Variants in EPHB4 observed in about 807,000 individuals in gnomAD.
EPHB4 encodes the protein EPH receptor B4.
Under a neutral mutation model 110.6 loss-of-function variants are expected in EPHB4, and 50 were observed. The ratio of observed to expected loss-of-function variants is 0.45; its 90% CI spans 0.36 to 0.57. EPHB4 has a LOEUF of 0.57. Among genes scored for constraint, EPHB4 ranks in the 20% least tolerant of loss-of-function variants. The pLI is 0.00. For synonymous variants in EPHB4, 592 were observed against 578.4 expected, an observed-to-expected ratio of 1.02 and a Z score of -0.34; for missense variants, 1,128 against 1,382.1, an observed-to-expected ratio of 0.82 and a Z score of 2.91.
intron 12 of EPHB4, among the ~76,000 whole-genome samples, chr7:100,809,153 C>T (rs1427084088): frequency 6.6e-6 from 1 of 152,190 alleles, no homozygotes; most frequent in Non-Finnish European, 1.5e-5. Flanking sequence ...ACTGCCCAGG[C>T]TGGAGTAAAG....
chr7:100,814,168 TCAGGGAACAAA>T (rs1813012050), intron 8 of EPHB4, 147 bp from the exon 9 acceptor site: 1 of 803,324 alleles, frequency 1.2e-6, no homozygotes, highest in Admixed American at 3.1e-5. Flanking sequence ...GCAGGCAAGG[TCAGGGAACAAA>T]CAGTGGGTTT....
Position 100,819,627 on chromosome 7 carries a change from C to G in EPHB4, c.1227G>C (p.Leu409Phe). 2 of 1,608,340 alleles carry G rather than the reference C, an allele frequency of 1.2e-6. No individual in the cohort carries two copies. The highest frequency in any genetic ancestry group is 4.5e-5 in the East Asian group (2 of 44,672). ...DFTYTFEVTALNGVSSLATGP... is the reference protein window; with the variant it reads ...DFTYTFEVTAFNGVSSLATGP... Reference sequence around the variant, plus strand: ...CCGTGGCTAAGGAGGATACCCCGTTCAATGCAGTGACCTCAAAGGTATAGG... The same window carrying G: ...CCGTGGCTAAGGAGGATACCCCGTTGAATGCAGTGACCTCAAAGGTATAGG... Residue 409 changes from leucine (L) to phenylalanine (F), a missense_variant, in exon 6 of 17, where the codon TTG becomes TTC. Transcript: ENST00000358173.
In EPHB4 at chr7:100,822,762, T is replaced by G. The variant is rs1813269435; in HGVS notation, c.412-95A>C. Reference sequence around the variant, plus strand: ...TCCCAGCTCACCCTCCCGGACCTCCTTGGTTCCCGTTCCAGAATCTTCCCT... The same window carrying G: ...TCCCAGCTCACCCTCCCGGACCTCCGTGGTTCCCGTTCCAGAATCTTCCCT... On this transcript the variant is annotated intron_variant, in intron 3 of 16. Coordinates refer to ENST00000358173, the MANE Select transcript of EPHB4 (RefSeq NM_004444.5). The surrounding 1 kb of genome is among the most constrained non-coding windows in gnomAD (Gnocchi z 4.7). 7.0e-7 allele frequency: 1 copy of G among 1,425,628 alleles called. No individual in the cohort carries two copies. Among genetic ancestry groups the G allele is most frequent in the South Asian group, 1.5e-5 (1 of 66,854 alleles). The allele number at this position is 1,425,628 out of a possible 1,614,324, so 88.3% of individuals were successfully genotyped here.
chr7:100,825,833 C>T (rs1176338009), intron 1 of EPHB4, among the ~76,000 whole-genome samples: 3 of 152,224 alleles, frequency 2.0e-5, no homozygotes, highest in Admixed American at 1.3e-4. Flanking sequence ...GTCTTTCCTT[C>T]TCACCACACC....
Position 100,813,724 on chromosome 7 carries a change from C to A in EPHB4, c.1692-8G>T. The stretch of plus-strand genomic sequence containing the variant: ...CTCCCATTGCTCTGCTTCCTGTAGC[C>A]GATGGGAAAGGAACAAAAGGTAAAC... On this transcript the variant is annotated splice_polypyrimidine_tract_variant and splice_region_variant and intron_variant, in intron 9 of 16. Transcript: ENST00000358173. The A allele has an allele frequency of 6.2e-7, 1 of 1,614,062 alleles. No individual in the cohort carries two copies. The highest frequency in any genetic ancestry group is 1.1e-5 in the South Asian group (1 of 91,072).
In EPHB4 at chr7:100,813,214, A is replaced by AT; in HGVS notation, c.1757-7_1757-6insA. The stretch of plus-strand genomic sequence containing the variant: ...GTCGATGTAGACCTTAGTACCTGAG[A>AT]AATCAGGCAGGGCCCCGTCAGCTGG... On this transcript the variant is annotated splice_polypyrimidine_tract_variant and splice_region_variant and intron_variant, in intron 10 of 16. Coordinates refer to ENST00000358173, the MANE Select transcript of EPHB4 (RefSeq NM_004444.5). The AT allele has an allele frequency of 6.3e-7, 1 of 1,599,016 alleles. No individual in the cohort carries two copies. Among genetic ancestry groups the AT allele is most frequent in the Non-Finnish European group, 8.5e-7 (1 of 1,178,312 alleles).
chr7:100,818,248 G>A (rs1226790802), intron 7 of EPHB4, among the ~76,000 whole-genome samples: 2 of 151,860 alleles, frequency 1.3e-5, no homozygotes, highest in Non-Finnish European at 2.9e-5. Context: ...CATTCTGCCC[G>A]CCTCAGCCTC....
In EPHB4 at chr7:100,822,629, G is replaced by A. The variant is rs1813265481; in HGVS notation, c.450C>T (p.Arg150=). ...TVAAEHLTRK[R]PGAEATGKVN... Reference sequence around the variant, plus strand: ...CCTTCCCGGTGGCCTCGGCCCCAGGGCGCTTCCGGGTGAGATGCTCCGCGG... The same window carrying A: ...CCTTCCCGGTGGCCTCGGCCCCAGGACGCTTCCGGGTGAGATGCTCCGCGG... Residue 150 remains arginine (R), a synonymous_variant, in exon 4 of 17, where the codon CGC becomes CGT. Transcript: ENST00000358173. This position sits in a 1 kb window ranked among gnomAD's most constrained non-coding sequence, Gnocchi z 4.7. 2 of 1,596,024 alleles carry A rather than the reference G, an allele frequency of 1.3e-6. No individual in the cohort carries two copies. The highest frequency in any genetic ancestry group is 1.7e-5 in the Admixed American group (1 of 58,676).
At chr7:100,813,276 A>T in intron 10 of EPHB4, 68 bp from the exon 11 acceptor site, 7 of 1,082,012 alleles carry the variant, frequency 6.5e-6, no homozygotes, top group Non-Finnish European at 9.3e-6. Context: ...CTCGGCTCAT[A>T]GCTTTTAGCC....
chr7:100,827,162 CA>C lies in EPHB4; in HGVS notation c.-133del. The C allele has an allele frequency of 2.1e-6, 2 of 936,626 alleles. No homozygotes were observed. Among genetic ancestry groups the C allele is most frequent in the Non-Finnish European group, 3.0e-6 (2 of 676,866 alleles). The allele number at this position is 936,626 out of a possible 1,614,324, so 58.0% of individuals were successfully genotyped here. On this transcript the variant is annotated 5_prime_UTR_variant, in exon 1 of 17. An upstream start codon of the reference 5' UTR is lost. Coordinates refer to ENST00000358173, the MANE Select transcript of EPHB4 (RefSeq NM_004444.5). ...CTCGTCGGGGCCCTCAGCGCGGGCC[CA>C]TGCGAGCGTGCGGGGCACCGGGCGG...
intron 8 of EPHB4, among the ~76,000 whole-genome samples, chr7:100,814,515 C>T (rs1220415144): frequency 6.6e-6 from 1 of 152,114 alleles, no homozygotes. Flanking sequence ...CCTAGGCATG[C>T]CCAGCCGCCA....
In EPHB4 at chr7:100,819,712, G is replaced by A; in HGVS notation, c.1142C>T (p.Pro381Leu). ...GGGCTCCACCAGGTCCCGGGGGCCGGGGTCAAAAGTCAGGTCTCCCCCGCA... is the reference window on the plus strand; with the variant it reads ...GGGCTCCACCAGGTCCCGGGGGCCGAGGTCAAAAGTCAGGTCTCCCCCGCA... ...APCGGDLTFDPGPRDLVEPWV... is the reference protein window; with the variant it reads ...APCGGDLTFDLGPRDLVEPWV... The change falls in exon 6 of 17, where the codon CCC becomes CTC. Residue 381 changes from proline to leucine, a missense_variant. This residue lies in a region of EPHB4 where 728 missense variants were observed against 828.6 expected (regional missense o/e 0.88). Coordinates refer to ENST00000358173, the MANE Select transcript of EPHB4 (RefSeq NM_004444.5). 6.2e-7 allele frequency: 1 copy of A among 1,613,214 alleles called. No homozygotes were observed. The highest frequency in any genetic ancestry group is 8.5e-7 in the Non-Finnish European group (1 of 1,179,804).
intron 10 of EPHB4, chr7:100,813,423 C>T: frequency 1.6e-6 from 1 of 620,682 alleles, no homozygotes; most frequent in East Asian, 3.1e-5. Context: ...TAAAATGATT[C>T]TTCTGCCTCA....
chr7:100,823,645 T>C lies in EPHB4; in HGVS notation c.410A>G (p.Lys137Arg), dbSNP rs1813296662. The C allele has an allele frequency of 6.2e-7, 1 of 1,610,802 alleles. No homozygotes were observed. The highest frequency in any genetic ancestry group is 1.3e-5 in the African/African-American group (1 of 74,884). ...TPAWMENPYIKVDTVAAEHLT... is the reference protein window; with the variant it reads ...TPAWMENPYIRVDTVAAEHLT... Reference sequence around the variant, plus strand: ...TGAGCCCTGGGGGCACCCAGGTACCTTGATGTAGGGGTTCTCCATCCAGGC... The same window carrying C: ...TGAGCCCTGGGGGCACCCAGGTACCCTGATGTAGGGGTTCTCCATCCAGGC... The change falls in exon 3 of 17, where the codon AAG (lysine) becomes AGG (arginine). Residue 137 changes from lysine to arginine, a missense_variant and splice_region_variant. Physicochemically the swap from Lys to Arg is conservative, Grantham distance 26 (BLOSUM62 2). Around this residue, in one of 3 missense-constraint regions of EPHB4, gnomAD observed 728 missense variants for 828.6 expected, o/e 0.88. Coordinates refer to ENST00000358173, the MANE Select transcript of EPHB4 (RefSeq NM_004444.5).
Position 100,822,021 on chromosome 7 carries a change from G to A in EPHB4, c.808+250C>T, listed in dbSNP as rs759937753. ...ACTAAAATACAAAAATTAGCCGGGC[G>A]TGGTGGCGTGTGCCTGTAGTCCCAG... On this transcript the variant is annotated intron_variant, in intron 4 of 16. Coordinates refer to ENST00000358173, the MANE Select transcript of EPHB4 (RefSeq NM_004444.5). This position sits in a 1 kb window ranked among gnomAD's most constrained non-coding sequence, Gnocchi z 4.7. Among the ~76,000 whole-genome samples, 67 of 152,124 alleles carry A rather than the reference G, an allele frequency of 4.4e-4. No homozygotes were observed. The highest frequency in any genetic ancestry group is 3.2e-3 in the Middle Eastern group (1 of 316).
chr7:100,808,844 G>A (rs1812869624), intron 12 of EPHB4, among the ~76,000 whole-genome samples: 1 of 152,182 alleles, frequency 6.6e-6, no homozygotes, highest in South Asian at 2.1e-4. Flanking sequence ...ACCTGCACCT[G>A]CCCTACTCCC....
At chr7:100,823,038 C>A (rs1335836859) in intron 3 of EPHB4, among the ~76,000 whole-genome samples, 1 of 152,180 alleles carries the variant, frequency 6.6e-6, no homozygotes, top group East Asian at 1.9e-4. Context: ...ATAATCCCAG[C>A]ACTTTAGGAG....
chr7:100,809,599 G>T (rs1812886707), intron 12 of EPHB4, among the ~76,000 whole-genome samples: 2 of 152,034 alleles, frequency 1.3e-5, no homozygotes, highest in Admixed American at 1.3e-4. Context: ...CTACAGCCTC[G>T]ATCTCCCAGG....
rs1248988785 is a variant in EPHB4, at chr7:100,804,314, T to C, written c.2835-724A>G. 5.2e-4 allele frequency among the ~76,000 whole-genome samples: 71 copies of C among 137,458 alleles called. No homozygotes were observed. The South Asian group carries it at 7.5e-3, about 15-fold the overall frequency. 90.2% of individuals were successfully genotyped at this position (137,458 alleles called of 152,430 possible). A position where few individuals can be genotyped will look rare whatever the true frequency, so the allele number is the denominator to read the frequency against. ...CCACCTGGCCTTCACATTTCTTTTT[T>C]TTTTTTTTTTTTTTTTTTGAGATGG... is the stretch of plus-strand genomic sequence containing the variant. On this transcript the variant is annotated intron_variant, in intron 16 of 16. Coordinates refer to ENST00000358173, the MANE Select transcript of EPHB4 (RefSeq NM_004444.5).
Sources: allele counts gnomAD v4.1 joint callset (sites outside exome capture counted in the v4.1 genomes callset), GRCh38; gene constraint gnomAD v4.1.1; regional missense constraint gnomAD v4.1.1; non-coding constraint Gnocchi (gnomAD v3.1); transcripts MANE v1.5; gene names NCBI Gene and HGNC (gene_info 2026-07-23, HGNC 2026-07-21).